PABPN1L: variants seen among roughly 807,000 people sequenced by gnomAD.
PABPN1L encodes the protein embryonic polyadenylate-binding protein 2.
PABPN1L carries 45 observed loss-of-function variants against 34.0 expected under a neutral mutation model. That is an observed-to-expected ratio of 1.32 (90% CI 1.04 to 1.70). PABPN1L has a LOEUF of 1.70. PABPN1L is among the 40% of genes most tolerant of loss of function. The pLI, the probability that PABPN1L is intolerant of heterozygous loss-of-function variation, is 0.00. For missense variants in PABPN1L, 459 were observed against 367.8 expected, an observed-to-expected ratio of 1.25 and a Z score of -2.03; for synonymous variants, 182 against 152.1, an observed-to-expected ratio of 1.20 and a Z score of -1.45.
chr16:88,867,226 TTTTTTTTTC>T (rs1267391062), upstream of PABPN1L, among the ~76,000 whole-genome samples: 2 of 151,642 alleles, frequency 1.3e-5, no homozygotes, highest in Non-Finnish European at 2.9e-5. Flanking sequence ...GGGCCTTTTT[TTTTTTTTTC>T]TTTTTTTTTT....
At position 88,864,949 on chromosome 16, in the gene PABPN1L, A is replaced by AG; in HGVS notation, c.567-10dup. The AG allele has an allele frequency of 1.3e-6, 1 of 756,402 alleles. No homozygotes were observed. Among genetic ancestry groups the AG allele is most frequent in the Non-Finnish European group, 2.1e-6 (1 of 480,218 alleles). 46.9% of individuals were successfully genotyped at this position (756,402 alleles called of 1,614,324 possible). A position where few individuals can be genotyped will look rare whatever the true frequency, so the allele number is the denominator to read the frequency against. On this transcript the variant is annotated splice_polypyrimidine_tract_variant and intron_variant, in intron 4 of 6. Coordinates refer to ENST00000419291, the Ensembl canonical transcript of PABPN1L. Reference sequence around the variant, plus strand: ...ACTCTATGTAGGCATAACTGAGGGGAGGGGCAGGGAGGGGAGGGGTGAGGC... The same window carrying AG: ...ACTCTATGTAGGCATAACTGAGGGGAGGGGGCAGGGAGGGGAGGGGTGAGGC...
upstream of PABPN1L, chr16:88,866,808 C>T: frequency 1.4e-6 from 1 of 694,168 alleles, no homozygotes; most frequent in Non-Finnish European, 2.3e-6. Flanking sequence ...CGGACAGGTA[C>T]CTCCAGGACA....
At chr16:88,864,766 G>C in intron 5 of PABPN1L, 87 bp downstream of exon 5, 1 of 1,381,932 alleles carries the variant, frequency 7.2e-7, no homozygotes, top group Non-Finnish European at 1.0e-6. Context: ...GTGCAGAGAG[G>C]AGCCAGCTGG....
upstream of PABPN1L, among the ~76,000 whole-genome samples, chr16:88,867,888 G>A (rs1204644381): frequency 2.0e-5 from 3 of 152,224 alleles, no homozygotes; most frequent in African/African-American, 7.2e-5. Flanking sequence ...TGCCATTGGT[G>A]GTGGGAGACG....
At chr16:88,864,734 A>G in intron 5 of PABPN1L, 119 bp downstream of exon 5, 3 of 1,166,110 alleles carry the variant, frequency 2.6e-6, no homozygotes, top group Non-Finnish European at 3.7e-6. Context: ...GGCCCAGCCA[A>G]GCACCGTGCC....
chr16:88,864,136 C>T (rs1334830757), intron 6 of PABPN1L, 101 bp downstream of exon 6: 2 of 1,407,820 alleles, frequency 1.4e-6, no homozygotes, highest in Non-Finnish European at 1.9e-6. Flanking sequence ...CAGGTACATT[C>T]CTGCAGCCCC....
chr16:88,863,595 C>T (rs1407338829), exon 7 of PABPN1L: 3 of 919,496 alleles, frequency 3.3e-6, no homozygotes, highest in Non-Finnish European at 5.1e-6. Context: ...CAAGGCCCTA[C>T]TGGGCCATCC....
At chr16:88,864,443 G>A (rs1968534014) in intron 5 of PABPN1L, 64 bp from the exon 6 acceptor site, 4 of 1,493,304 alleles carry the variant, frequency 2.7e-6, no homozygotes, top group Middle Eastern at 2.1e-4. Context: ...CACAGCCCCC[G>A]CAGCCCCCAC....
chr16:88,865,859 G>T, exon 2 of PABPN1L: 1 of 1,609,824 alleles, frequency 6.2e-7, no homozygotes. Context: ...CTCTTCCTCG[G>T]CCTGTTGCTG....
upstream of PABPN1L, among the ~76,000 whole-genome samples, chr16:88,869,433 C>T (rs1400914155): frequency 6.6e-6 from 1 of 152,246 alleles, no homozygotes; most frequent in African/African-American, 2.4e-5. Flanking sequence ...GCTCCTCCTC[C>T]CTCGAGAGCC....
In PABPN1L at chr16:88,864,849, G is replaced by T. The variant is rs944663111; in HGVS notation, c.654+4C>A. 1.3e-6 allele frequency: 2 copies of T among 1,598,422 alleles called. No homozygotes were observed. The highest frequency in any genetic ancestry group is 1.7e-5 in the Admixed American group (1 of 58,664). On this transcript the variant is annotated splice_donor_region_variant and intron_variant, in intron 5 of 6. Transcript: ENST00000419291. ...GTTCCTGGACCTGGGGAGCACCGGC[G>T]CACCTTGATGACCCGGCCCCGGAAG...
chr16:88,864,959 A>AGGGGC lies in PABPN1L; in HGVS notation c.567-20_567-19insGCCCC, dbSNP rs1567563976. 1.1e-6 allele frequency: 1 copy of AGGGGC among 924,434 alleles called. No homozygotes were observed. The allele number at this position is 924,434 out of a possible 1,614,324, so 57.3% of individuals were successfully genotyped here. A position where few individuals can be genotyped will look rare whatever the true frequency, so the allele number is the denominator to read the frequency against. ...GGCATAACTGAGGGGAGGGGCAGGGAGGGGAGGGGTGAGGCTGGGCCCTGT... is the reference window on the plus strand; with the variant it reads ...GGCATAACTGAGGGGAGGGGCAGGGAGGGGCGGGGAGGGGTGAGGCTGGGCCCTGT... On this transcript the variant is annotated intron_variant, in intron 4 of 6. Coordinates refer to ENST00000419291, the Ensembl canonical transcript of PABPN1L.
chr16:88,865,819 G>C (rs763204459), exon 2 of PABPN1L: 1 of 1,606,682 alleles, frequency 6.2e-7, no homozygotes, highest in Non-Finnish European at 8.5e-7. Context: ...CGGTCTCAGG[G>C]CTCAGCAGCT....
Position 88,863,723 on chromosome 16 carries a change from C to A in PABPN1L, c.*33G>T, listed in dbSNP as rs1597637975. On this transcript the variant is annotated 3_prime_UTR_variant, in exon 7 of 7. Coordinates refer to ENST00000419291, the Ensembl canonical transcript of PABPN1L. Reference sequence around the variant, plus strand: ...ACAAGTGGTTTACTCCTGATCCAGGCCCCAGCCCCTCTCTCAAAATCGGGT... The same window carrying A: ...ACAAGTGGTTTACTCCTGATCCAGGACCCAGCCCCTCTCTCAAAATCGGGT... 1.2e-5 allele frequency: 18 copies of A among 1,535,456 alleles called. No individual in the cohort carries two copies. The East Asian group carries it at 4.4e-4, about 38-fold the overall frequency.
intron 4 of PABPN1L, 39 bp downstream of exon 4, chr16:88,864,983 G>A: frequency 6.2e-7 from 1 of 1,600,322 alleles, no homozygotes; most frequent in Middle Eastern, 1.7e-4. Flanking sequence ...GCTGGGCCCT[G>A]TCCGCATGGC....
exon 6 of PABPN1L, chr16:88,864,328 C>T: frequency 6.4e-7 from 1 of 1,555,416 alleles, no homozygotes; most frequent in South Asian, 1.2e-5. Flanking sequence ...CCTCGAAGGC[C>T]CCCGCGGTCT....
intron 3 of PABPN1L, 41 bp from the exon 4 acceptor site, chr16:88,865,169 G>T: frequency 6.5e-7 from 1 of 1,539,924 alleles, no homozygotes; most frequent in Non-Finnish European, 8.8e-7. Context: ...GAGACGCCTG[G>T]CCCTGACTCG....
chr16:88,863,665 G>A (rs917940734), exon 7 of PABPN1L: 15 of 1,465,842 alleles, frequency 1.0e-5, no homozygotes, highest in African/African-American at 5.6e-5. Context: ...CCTCGCCCCC[G>A]CGCCACTCCC....
chr16:88,863,525 G>C, exon 7 of PABPN1L: 2 of 627,852 alleles, frequency 3.2e-6, no homozygotes, highest in South Asian at 1.8e-5. Flanking sequence ...GCCCATGCCA[G>C]GCTCACCACC....
Sources: allele counts gnomAD v4.1 joint callset (sites outside exome capture counted in the v4.1 genomes callset), GRCh38; gene constraint gnomAD v4.1.1; transcripts MANE v1.5; gene names NCBI Gene and HGNC (gene_info 2026-07-23, HGNC 2026-07-21).